Variants in SPMIP11 observed in about 807,000 individuals in gnomAD.
SPMIP11 encodes the protein long intergenic non-protein coding RNA 935.
chr12:48,736,462 G>A, the SPMIP11 span, among the ~76,000 whole-genome samples: 1 of 149,278 alleles, frequency 6.7e-6, no homozygotes, highest in Non-Finnish European at 1.5e-5. Flanking sequence ...TTCATTTGTT[G>A]GTTCTATATG....
the SPMIP11 span, among the ~76,000 whole-genome samples, chr12:48,770,375 C>T: frequency 1.3e-5 from 2 of 152,122 alleles, no homozygotes; most frequent in African/African-American, 4.8e-5. Context: ...TAACCACTCC[C>T]ATCCACCAGT....
the SPMIP11 span, chr12:48,765,005 G>A: frequency 1.4e-6 from 1 of 702,338 alleles, no homozygotes; most frequent in Non-Finnish European, 2.6e-6. Context: ...GGTTAGGCTG[G>A]GAGGGGTAAG....
chr12:48,745,137 G>A, the SPMIP11 span, among the ~76,000 whole-genome samples: 2 of 151,778 alleles, frequency 1.3e-5, no homozygotes, highest in African/African-American at 2.4e-5. Flanking sequence ...CAGGCTTGGT[G>A]GCGGGCGCCT....
At chr12:48,737,925 C>G in the SPMIP11 span, among the ~76,000 whole-genome samples, 6 of 152,016 alleles carry the variant, frequency 3.9e-5, no homozygotes, top group Admixed American at 2.0e-4. Flanking sequence ...CAGGCTCAAG[C>G]GATGCTCCCA....
the SPMIP11 span, among the ~76,000 whole-genome samples, chr12:48,759,733 A>C: frequency 6.6e-6 from 1 of 152,098 alleles, no homozygotes; most frequent in South Asian, 2.1e-4. Flanking sequence ...AAGAAAAAAA[A>C]AGAGCCAAGA....
At chr12:48,751,367 A>G in the SPMIP11 span, among the ~76,000 whole-genome samples, 49,584 of 151,770 alleles carry the variant, frequency 0.33, 9,193 homozygotes, top group Non-Finnish European at 0.44. Context: ...TAATCCCAGC[A>G]CTTTGGGAGG....
At chr12:48,760,711 G>T in the SPMIP11 span, among the ~76,000 whole-genome samples, 9 of 151,934 alleles carry the variant, frequency 5.9e-5, no homozygotes, top group Non-Finnish European at 1.0e-4. Context: ...ATTTTTAGTA[G>T]AGACAGGGTT....
chr12:48,742,413 C>G, the SPMIP11 span, among the ~76,000 whole-genome samples: 1 of 151,314 alleles, frequency 6.6e-6, no homozygotes, highest in Non-Finnish European at 1.5e-5. Context: ...TCCTGAGTAG[C>G]TGGGATAACA....
the SPMIP11 span, among the ~76,000 whole-genome samples, chr12:48,728,048 C>CA: frequency 1.8e-3 from 256 of 143,840 alleles, no homozygotes; most frequent in African/African-American, 5.0e-3. Context: ...GAAACCATCT[C>CA]AAAAAAAAAA....
chr12:48,752,544 C>T, the SPMIP11 span, among the ~76,000 whole-genome samples: 5 of 152,162 alleles, frequency 3.3e-5, no homozygotes, highest in Non-Finnish European at 7.3e-5. Context: ...TTACCTTCTA[C>T]TCTGGAGTCT....
At chr12:48,747,073 T>C in the SPMIP11 span, among the ~76,000 whole-genome samples, 1 of 152,200 alleles carries the variant, frequency 6.6e-6, no homozygotes, top group African/African-American at 2.4e-5. Context: ...GCCTGGCCCT[T>C]ACAGACAACT....
At chr12:48,753,697 T>C in the SPMIP11 span, among the ~76,000 whole-genome samples, 3,636 of 147,028 alleles carry the variant, frequency 0.025, 91 homozygotes, top group African/African-American at 0.087. Context: ...TTTTTCTTTT[T>C]TTTTTTTTTT....
chr12:48,740,151 A>G, the SPMIP11 span, among the ~76,000 whole-genome samples: 1 of 152,158 alleles, frequency 6.6e-6, no homozygotes, highest in Non-Finnish European at 1.5e-5. Context: ...AGGTCAATCT[A>G]CCATTTTAAA....
the SPMIP11 span, among the ~76,000 whole-genome samples, chr12:48,753,648 A>G: frequency 6.7e-6 from 1 of 149,256 alleles, no homozygotes; most frequent in Non-Finnish European, 1.5e-5. Context: ...CTTAGACTCC[A>G]GCAGAGGGCA....
chr12:48,734,685 T>C, the SPMIP11 span, among the ~76,000 whole-genome samples: 1 of 152,008 alleles, frequency 6.6e-6, no homozygotes, highest in African/African-American at 2.4e-5. Flanking sequence ...ATGAGCTTTA[T>C]CTAATCACAT....
the SPMIP11 span, among the ~76,000 whole-genome samples, chr12:48,752,979 T>G: frequency 2.0e-5 from 3 of 151,940 alleles, no homozygotes; most frequent in Non-Finnish European, 4.4e-5. Context: ...GCCATCCTAT[T>G]TATTCTTAGC....
the SPMIP11 span, chr12:48,768,784 G>A: frequency 6.3e-7 from 1 of 1,588,130 alleles, no homozygotes; most frequent in Non-Finnish European, 8.6e-7. Context: ...GGGCCCAGGG[G>A]TTCTCTAGTC....
At chr12:48,742,277 C>CTTTTTTTTTTTTT in the SPMIP11 span, among the ~76,000 whole-genome samples, 26 of 87,218 alleles carry the variant, frequency 3.0e-4, 1 homozygote, top group South Asian at 1.2e-3. Context: ...CTTTTCTTTT[C>CTTTTTTTTTTTTT]CTTTTTTTTT....
At chr12:48,745,902 A>G in the SPMIP11 span, among the ~76,000 whole-genome samples, 1 of 152,192 alleles carries the variant, frequency 6.6e-6, no homozygotes, top group Admixed American at 6.6e-5. Flanking sequence ...ACATACTTAT[A>G]TATTCGTATG....
Sources: gnomAD v4.1 joint callset for allele counts (sites outside exome capture counted in the v4.1 genomes callset) on GRCh38, gnomAD v4.1.1 for gene constraint, MANE v1.5 for transcripts, NCBI Gene and HGNC (gene_info 2026-07-23, HGNC 2026-07-21) for gene names.